Variants in SGCZ observed in about 807,000 individuals in gnomAD.
SGCZ encodes zeta-sarcoglycan.
SGCZ carries 40 observed loss-of-function variants against 41.3 expected under a neutral mutation model. That is an observed-to-expected ratio of 0.97 (90% CI 0.75 to 1.26). The LOEUF (loss-of-function observed/expected upper bound fraction) is 1.26, where lower values mean the gene tolerates loss of function less well. Among genes scored for constraint, SGCZ ranks in the 50% most tolerant of loss-of-function variants. SGCZ has a pLI of 0.00. For synonymous variants in SGCZ, 206 were observed against 137.5 expected, an observed-to-expected ratio of 1.50 and a Z score of -3.49; for missense variants, 552 against 369.8, an observed-to-expected ratio of 1.49 and a Z score of -4.04.
At chr8:14,151,950 T>C (rs867735890) in intron 5 of SGCZ, among the ~76,000 whole-genome samples, 87 of 152,100 alleles carry the variant, frequency 5.7e-4, no homozygotes, top group African/African-American at 2.0e-3. Flanking sequence ...AAATATATCA[T>C]AGACTTTAAT....
chr8:14,407,063 T>G (rs1348391347), intron 2 of SGCZ, among the ~76,000 whole-genome samples: 1 of 130,268 alleles, frequency 7.7e-6, no homozygotes, highest in African/African-American at 3.2e-5. Context: ...TTATGAGTTT[T>G]CCTTTTTTTT....
intron 1 of SGCZ, among the ~76,000 whole-genome samples, chr8:14,875,544 T>A (rs963206550): frequency 1.3e-5 from 2 of 152,000 alleles, no homozygotes; most frequent in African/African-American, 4.8e-5. Context: ...GAGAGAACAA[T>A]ACGAAAAGCA....
intron 5 of SGCZ, among the ~76,000 whole-genome samples, chr8:14,150,102 G>A (rs1803652852): frequency 6.6e-6 from 1 of 152,114 alleles, no homozygotes; most frequent in Non-Finnish European, 1.5e-5. Flanking sequence ...AACTATCCAA[G>A]ACATTGGTCT....
intron 7 of SGCZ, 113 bp downstream of exon 7, chr8:14,102,263 T>G: frequency 8.6e-7 from 1 of 1,167,578 alleles, no homozygotes; most frequent in Non-Finnish European, 1.1e-6. Context: ...ACAACTCCAT[T>G]TATTTTCTAC....
intron 5 of SGCZ, among the ~76,000 whole-genome samples, chr8:14,118,906 G>A (rs184870342): frequency 2.8e-4 from 43 of 152,220 alleles, no homozygotes; most frequent in South Asian, 1.2e-3. Context: ...TTTCTGTTCC[G>A]TTGCATTGGT....
Position 14,576,813 on chromosome 8 carries a change from A to G in SGCZ, c.40-21887T>C, listed in dbSNP as rs536140448. On this transcript the variant is annotated intron_variant, in intron 1 of 7. Coordinates refer to ENST00000382080, the MANE Select transcript of SGCZ (RefSeq NM_139167.4). ...ATCAAGGGTATAATAGCTGCTCAAC[A>G]GGTAATTCATCTATCCCTACTTTTG... 2.0e-5 allele frequency among the ~76,000 whole-genome samples: 3 copies of G among 152,312 alleles called. No individual in the cohort carries two copies. The East Asian group carries it at 5.8e-4, about 30-fold the overall frequency.
chr8:14,577,676 C>A (rs141493260), intron 1 of SGCZ, among the ~76,000 whole-genome samples: 1 of 152,072 alleles, frequency 6.6e-6, no homozygotes, highest in Non-Finnish European at 1.5e-5. Context: ...CCGTGAGCCA[C>A]GGCGCCTGGC....
chr8:14,449,198 C>G (rs1800520344), intron 2 of SGCZ, among the ~76,000 whole-genome samples: 1 of 152,112 alleles, frequency 6.6e-6, no homozygotes, highest in Non-Finnish European at 1.5e-5. Context: ...GGTTTTCTGA[C>G]CACAACTTAG....
rs1247955044 is a variant in SGCZ, at chr8:14,888,721, C to A, written c.40-333795G>T. ...AGAACATTAAAATATCAATTTCATT[C>A]CATTTTATAAGGCATAATGCCTTGA... On this transcript the variant is annotated intron_variant, in intron 1 of 7. Coordinates refer to ENST00000382080, the MANE Select transcript of SGCZ (RefSeq NM_139167.4). Among the ~76,000 whole-genome samples, 3 of 152,028 alleles carry A rather than the reference C, an allele frequency of 2.0e-5. No homozygotes were observed. In the East Asian group the frequency reaches 5.8e-4, roughly 29 times the overall value.
intron 2 of SGCZ, among the ~76,000 whole-genome samples, chr8:14,432,721 C>A (rs1436860420): frequency 1.3e-5 from 2 of 151,988 alleles, no homozygotes; most frequent in African/African-American, 4.8e-5. Context: ...CGAGACCAGC[C>A]TGGCCAACGT....
At chr8:15,125,281 GA>G (rs1294307393) in intron 1 of SGCZ, among the ~76,000 whole-genome samples, 1 of 152,156 alleles carries the variant, frequency 6.6e-6, no homozygotes, top group East Asian at 1.9e-4. Flanking sequence ...TCAAAGCATT[GA>G]TTTCTCTCTG....
chr8:14,225,711 A>T (rs1806349817), intron 4 of SGCZ, among the ~76,000 whole-genome samples: 1 of 152,100 alleles, frequency 6.6e-6, no homozygotes, highest in South Asian at 2.1e-4. Flanking sequence ...CAGATAACAG[A>T]TATAGGTGAC....
intron 2 of SGCZ, among the ~76,000 whole-genome samples, chr8:14,518,998 G>C (rs1243561945): frequency 6.6e-6 from 1 of 150,396 alleles, no homozygotes; most frequent in Admixed American, 6.6e-5. Flanking sequence ...GAACCCAGGA[G>C]GCATAGTTTG....
intron 4 of SGCZ, among the ~76,000 whole-genome samples, chr8:14,192,726 C>G (rs1178265491): frequency 6.6e-6 from 1 of 151,946 alleles, no homozygotes; most frequent in Non-Finnish European, 1.5e-5. Flanking sequence ...TATTATTAAG[C>G]TATTGTTAGA....
chr8:15,136,202 A>G (rs2116984947), intron 1 of SGCZ, among the ~76,000 whole-genome samples: 1 of 152,096 alleles, frequency 6.6e-6, no homozygotes. Flanking sequence ...CCTGCCTCCT[A>G]CCTCAGTACC....
intron 1 of SGCZ, among the ~76,000 whole-genome samples, chr8:14,962,219 C>T (rs1800987902): frequency 6.6e-6 from 1 of 152,076 alleles, no homozygotes; most frequent in African/African-American, 2.4e-5. Flanking sequence ...ATCTCTGTTT[C>T]ACTCCAGAGC....
intron 1 of SGCZ, among the ~76,000 whole-genome samples, chr8:14,684,490 T>C (rs1388043732): frequency 6.6e-6 from 1 of 152,148 alleles, no homozygotes; most frequent in East Asian, 1.9e-4. Flanking sequence ...TTGTAGTGAG[T>C]TGGCTCGTGC....
chr8:14,327,712 AT>A lies in SGCZ; in HGVS notation c.235-3509del, dbSNP rs751042053. ...TCTTATATTTTCTACTTAATATATGATTTCAGATATACCATCACATTTCATT... is the reference window on the plus strand; with the variant it reads ...TCTTATATTTTCTACTTAATATATGATTCAGATATACCATCACATTTCATT... On this transcript the variant is annotated intron_variant, in intron 2 of 7. Coordinates refer to ENST00000382080, the MANE Select transcript of SGCZ (RefSeq NM_139167.4). 4.5e-3 allele frequency among the ~76,000 whole-genome samples: 692 copies of A among 152,316 alleles called. 4 individuals carry two copies. Among genetic ancestry groups the A allele is most frequent in the South Asian group, 0.02 (98 of 4,828 alleles).
chr8:14,387,439 T>G (rs1804614179), intron 2 of SGCZ, among the ~76,000 whole-genome samples: 1 of 152,230 alleles, frequency 6.6e-6, no homozygotes, highest in Non-Finnish European at 1.5e-5. Context: ...AAACCTTTAC[T>G]TGTCAAAAAT....
Sources: gnomAD v4.1 joint callset for allele counts (sites outside exome capture counted in the v4.1 genomes callset) on GRCh38, gnomAD v4.1.1 for gene constraint, MANE v1.5 for transcripts, NCBI Gene and HGNC (gene_info 2026-07-23, HGNC 2026-07-21) for gene names.